SND1: variants seen among roughly 807,000 people sequenced by gnomAD.
The protein encoded by SND1 is staphylococcal nuclease domain-containing protein 1.
In SND1, 38 loss-of-function variants were observed where a neutral mutation model predicts 121.7. That is an observed-to-expected ratio of 0.31 (90% CI 0.24 to 0.41). The LOEUF is 0.41. Ranked by LOEUF, SND1 falls within the 10% of genes least tolerant of loss-of-function variation. The pLI is 1.00. For missense variants in SND1, 868 were observed against 1,184.6 expected, an observed-to-expected ratio of 0.73 and a Z score of 3.92; for synonymous variants, 401 against 447.4, an observed-to-expected ratio of 0.90 and a Z score of 1.31.
intron 16 of SND1, among the ~76,000 whole-genome samples, chr7:128,061,196 A>T (rs576689769): frequency 6.6e-6 from 1 of 152,288 alleles, no homozygotes; most frequent in East Asian, 1.9e-4. Flanking sequence ...AGAGAACAAT[A>T]ATTGAAATTA....
intron 10 of SND1, among the ~76,000 whole-genome samples, chr7:127,756,863 A>G (rs1797205919): frequency 6.6e-6 from 1 of 152,194 alleles, no homozygotes; most frequent in Non-Finnish European, 1.5e-5. Context: ...TAAAAATATT[A>G]TTTGTTTAAA....
At chr7:127,987,885 C>A (rs908000269) in intron 15 of SND1, among the ~76,000 whole-genome samples, 1 of 141,970 alleles carries the variant, frequency 7.0e-6, no homozygotes, top group Non-Finnish European at 1.5e-5. Flanking sequence ...AATTGCTAAG[C>A]TGGCCTCCAA....
At chr7:128,028,678 G>A (rs1584747028) in intron 16 of SND1, 1 of 1,602,008 alleles carries the variant, frequency 6.2e-7, no homozygotes, top group African/African-American at 1.3e-5. Context: ...GGGGAGGGGA[G>A]TCATATTTGA....
chr7:127,996,200 A>G (rs1317464441), intron 16 of SND1, among the ~76,000 whole-genome samples: 1 of 152,160 alleles, frequency 6.6e-6, no homozygotes, highest in Non-Finnish European at 1.5e-5. Flanking sequence ...GGGGAAAAAA[A>G]AGTATTTACG....
chr7:127,960,460 C>T (rs1289118421), intron 15 of SND1, among the ~76,000 whole-genome samples: 1 of 152,200 alleles, frequency 6.6e-6, no homozygotes, highest in Non-Finnish European at 1.5e-5. Context: ...TGCAGATCTC[C>T]AATCTCTGGT....
chr7:127,960,252 G>A (rs564803928), intron 15 of SND1, among the ~76,000 whole-genome samples: 3 of 152,264 alleles, frequency 2.0e-5, no homozygotes, highest in Non-Finnish European at 4.4e-5. Context: ...CACGATGGTG[G>A]GCATAGGCAG....
rs1440132566 is a variant in SND1 at position 127,721,023 on chromosome 7, T to C, written c.1039-264T>C. On this transcript the variant is annotated intron_variant, in intron 9 of 23. Coordinates refer to ENST00000354725, the MANE Select transcript of SND1 (RefSeq NM_014390.4). ...AAGCTTTGTAGTGAACCACAAATCTTTGTCAGGGCAAAAATAAAAAAAGAT... is the reference window on the plus strand; with the variant it reads ...AAGCTTTGTAGTGAACCACAAATCTCTGTCAGGGCAAAAATAAAAAAAGAT... Among the ~76,000 whole-genome samples the C allele has an allele frequency of 2.0e-5, 3 of 152,212 alleles. No individual in the cohort carries two copies. In the South Asian group the frequency reaches 6.2e-4, roughly 32 times the overall value.
chr7:128,091,692 G>T (rs528207764), intron 22 of SND1, 145 bp from the exon 23 acceptor site: 1 of 825,460 alleles, frequency 1.2e-6, no homozygotes, highest in Admixed American at 1.8e-5. Context: ...TGTGTTTTCC[G>T]TTTTACTCTG....
chr7:127,661,663 T>G (rs1470392268), intron 1 of SND1, among the ~76,000 whole-genome samples: 1 of 152,220 alleles, frequency 6.6e-6, no homozygotes, highest in African/African-American at 2.4e-5. Context: ...GTTCCCTTGA[T>G]GGCCTTTTTT....
At chr7:127,834,490 A>C (rs142227274) in intron 11 of SND1, among the ~76,000 whole-genome samples, 267 of 152,306 alleles carry the variant, frequency 1.8e-3, no homozygotes, top group African/African-American at 6.1e-3. Context: ...CGCAGATACA[A>C]TGCAGGATGG....
chr7:128,052,382 T>G lies in SND1; in HGVS notation c.1780-22120T>G, dbSNP rs1218224419. Among the ~76,000 whole-genome samples, 2 of 152,144 alleles carry G rather than the reference T, an allele frequency of 1.3e-5. No individual in the cohort carries two copies. Among genetic ancestry groups the G allele is most frequent in the Non-Finnish European group, 2.9e-5 (2 of 68,014 alleles). On this transcript the variant is annotated intron_variant, in intron 16 of 23. Coordinates refer to ENST00000354725, the MANE Select transcript of SND1 (RefSeq NM_014390.4). The surrounding 1 kb of genome is among the most constrained non-coding windows in gnomAD (Gnocchi z 4.6). Reference sequence around the variant, plus strand: ...CCATCAAGGTTGGATCTGTCTCTCCTCCCGTTTGTGACTCCACTTCATTGC... The same window carrying G: ...CCATCAAGGTTGGATCTGTCTCTCCGCCCGTTTGTGACTCCACTTCATTGC...
intron 12 of SND1, chr7:127,858,326 C>A: frequency 8.1e-7 from 1 of 1,235,408 alleles, no homozygotes. Flanking sequence ...GCTCCCTTTG[C>A]CTCCTCCTCG....
At chr7:127,955,109 C>T (rs1801562381) in intron 15 of SND1, among the ~76,000 whole-genome samples, 1 of 152,204 alleles carries the variant, frequency 6.6e-6, no homozygotes, top group Non-Finnish European at 1.5e-5. Context: ...TCTTGTTGAA[C>T]AGGGCACATG....
At chr7:127,957,063 T>A (rs1052039432) in intron 15 of SND1, among the ~76,000 whole-genome samples, 3 of 152,218 alleles carry the variant, frequency 2.0e-5, no homozygotes, top group Admixed American at 2.0e-4. Flanking sequence ...TCTACCAGTC[T>A]ACTATTCAAT....
At position 127,812,977 on chromosome 7, in the gene SND1, A is replaced by G. The variant is rs116328045; in HGVS notation, c.1242+5404A>G. ...AATTTGATTCATTCATGCTATGGAA[A>G]AGTCCTTTACATTAATGATCAAAGC... On this transcript the variant is annotated intron_variant, in intron 11 of 23. Transcript: ENST00000354725. 2.8e-3 allele frequency among the ~76,000 whole-genome samples: 433 copies of G among 152,330 alleles called. 4 individuals carry two copies. The highest frequency in any genetic ancestry group is 9.1e-3 in the African/African-American group (380 of 41,570).
intron 5 of SND1, 26 bp downstream of exon 5, chr7:127,701,349 A>G: frequency 6.2e-7 from 1 of 1,606,668 alleles, no homozygotes; most frequent in Non-Finnish European, 8.5e-7. Flanking sequence ...ACAGACAGAT[A>G]CGACTCAGGG....
At chr7:127,672,041 C>T (rs535878451) in intron 1 of SND1, among the ~76,000 whole-genome samples, 46 of 152,234 alleles carry the variant, frequency 3.0e-4, no homozygotes, top group East Asian at 9.6e-4. Flanking sequence ...CCACTTTGTG[C>T]GTGTACATGC....
intron 22 of SND1, among the ~76,000 whole-genome samples, chr7:128,090,756 G>A (rs1022168038): frequency 5.9e-5 from 9 of 152,024 alleles, no homozygotes; most frequent in South Asian, 2.1e-4. Context: ...GCAGGCTGAC[G>A]ACTCACTGGA....
intron 16 of SND1, among the ~76,000 whole-genome samples, chr7:128,032,654 C>T (rs935885748): frequency 7.2e-5 from 11 of 152,154 alleles, no homozygotes; most frequent in African/African-American, 2.7e-4. Context: ...GTCATCCTCA[C>T]CCCCGCTGAC....
Sources: gnomAD v4.1 joint callset for allele counts (sites outside exome capture counted in the v4.1 genomes callset) on GRCh38, gnomAD v4.1.1 for gene constraint, Gnocchi (gnomAD v3.1) non-coding constraint, MANE v1.5 for transcripts, NCBI Gene and HGNC (gene_info 2026-07-23, HGNC 2026-07-21) for gene names.